Variants in ADAM22 observed in about 807,000 individuals in gnomAD.
ADAM22 encodes the protein disintegrin and metalloproteinase domain-containing protein 22.
A neutral mutation model predicts 144.6 loss-of-function variants in ADAM22; 65 were observed. The ratio of observed to expected loss-of-function variants is 0.45; its 90% CI spans 0.37 to 0.55. ADAM22 has a LOEUF of 0.55. Among genes scored for constraint, ADAM22 ranks in the 20% least tolerant of loss-of-function variants. The probability of loss-of-function intolerance (pLI) is 0.00; values close to 1 mark genes in which losing one functional copy is unlikely to be tolerated. For missense variants in ADAM22, 974 were observed against 1,184.9 expected, an observed-to-expected ratio of 0.82 and a Z score of 2.61; for synonymous variants, 391 against 412.6, an observed-to-expected ratio of 0.95 and a Z score of 0.63.
intron 3 of ADAM22, among the ~76,000 whole-genome samples, chr7:88,037,079 T>G (rs1250547282): frequency 1.3e-5 from 2 of 152,152 alleles, no homozygotes; most frequent in African/African-American, 4.8e-5. Context: ...GACATTTATG[T>G]TATTTTCAGT....
intron 3 of ADAM22, among the ~76,000 whole-genome samples, chr7:88,053,303 TAA>T (rs112765207): frequency 1.4e-5 from 2 of 143,518 alleles, no homozygotes; most frequent in Non-Finnish European, 1.5e-5. Context: ...CCCTCTCCGC[TAA>T]AAAAAAAAAA....
intron 24 of ADAM22, 65 bp from the exon 25 acceptor site, chr7:88,168,072 A>G (rs1464773830): frequency 1.5e-6 from 2 of 1,378,552 alleles, no homozygotes; most frequent in African/African-American, 2.9e-5. Context: ...TACAAAACTG[A>G]ACAATAAAGT....
At chr7:87,939,242 A>C (rs951338459) in intron 2 of ADAM22, among the ~76,000 whole-genome samples, 2 of 152,186 alleles carry the variant, frequency 1.3e-5, no homozygotes, top group African/African-American at 4.8e-5. Flanking sequence ...AAGGGTGAGC[A>C]TATCCAACCA....
chr7:88,145,047 G>A (rs1428329951), intron 15 of ADAM22, 78 bp from the exon 16 acceptor site: 9 of 1,234,090 alleles, frequency 7.3e-6, no homozygotes, highest in African/African-American at 1.5e-5. Flanking sequence ...GTATATTTGG[G>A]TATGGCACTT....
chr7:87,937,020 A>AT (rs1441979772), intron 2 of ADAM22, among the ~76,000 whole-genome samples: 1 of 152,160 alleles, frequency 6.6e-6, no homozygotes, highest in African/African-American at 2.4e-5. Flanking sequence ...CAGTAGCACG[A>AT]TTATGGCTCA....
At chr7:88,142,086 A>G (rs1834855921) in intron 14 of ADAM22, among the ~76,000 whole-genome samples, 1 of 152,216 alleles carries the variant, frequency 6.6e-6, no homozygotes, top group African/African-American at 2.4e-5. Context: ...TGCAAGATTA[A>G]TAACAAAGAA....
intron 3 of ADAM22, among the ~76,000 whole-genome samples, chr7:88,057,676 G>C (rs1311113839): frequency 1.3e-5 from 2 of 152,290 alleles, no homozygotes; most frequent in African/African-American, 4.8e-5. Flanking sequence ...AAAATAGTTT[G>C]TCTAGGTGTG....
intron 3 of ADAM22, among the ~76,000 whole-genome samples, chr7:88,016,560 A>G (rs1002778032): frequency 6.6e-6 from 1 of 152,182 alleles, no homozygotes; most frequent in Admixed American, 6.5e-5. Context: ...GTGAAAATTT[A>G]TACTTCCTAA....
At chr7:88,092,037 T>C (rs1382879725) in intron 4 of ADAM22, among the ~76,000 whole-genome samples, 1 of 152,162 alleles carries the variant, frequency 6.6e-6, no homozygotes, top group African/African-American at 2.4e-5. Flanking sequence ...GATTGTGTAT[T>C]GTTCAGCACA....
chr7:87,961,506 A>G (rs1847990928), intron 2 of ADAM22, among the ~76,000 whole-genome samples: 1 of 152,156 alleles, frequency 6.6e-6, no homozygotes, highest in African/African-American at 2.4e-5. Context: ...AATGTAATGC[A>G]TTTGGATTCT....
Position 88,108,180 on chromosome 7 carries a change from G to A in ADAM22, c.395G>A (p.Gly132Glu), listed in dbSNP as rs765877945. ...ATTCTTTATTTCTGTTTTCAGGGAG[G>A]AGAGCACTGTTACTACCAGGGCCAT... ...HGGKTVEVKGGEHCYYQGHIR... is the reference protein window; with the variant it reads ...HGGKTVEVKGEEHCYYQGHIR... The change falls in exon 5 of 32, where the codon GGA becomes GAA. Residue 132 changes from glycine (G) to glutamate (E), a missense_variant. Gly to Glu is a moderately conservative substitution (Grantham distance 98, BLOSUM62 -2). Around this residue, in one of 2 missense-constraint regions of ADAM22, gnomAD observed 240 missense variants for 234.3 expected, o/e 1.02. Transcript: ENST00000413139. 6.2e-7 allele frequency: 1 copy of A among 1,612,562 alleles called. No homozygotes were observed. Among genetic ancestry groups the A allele is most frequent in the Non-Finnish European group, 8.5e-7 (1 of 1,179,434 alleles).
chr7:88,159,870 T>A (rs546032330), intron 22 of ADAM22, among the ~76,000 whole-genome samples: 8 of 152,128 alleles, frequency 5.3e-5, no homozygotes, highest in African/African-American at 1.7e-4. Context: ...CTCTCACCAC[T>A]CCTATTCAAC....
In ADAM22 at chr7:88,149,011, T is replaced by C. The variant is rs1257084086; in HGVS notation, c.1520T>C (p.Val507Ala). 2.5e-6 allele frequency: 4 copies of C among 1,612,636 alleles called. No individual in the cohort carries two copies. In the East Asian group the frequency reaches 6.7e-5, roughly 27 times the overall value. Residue 507 changes from valine (V) to alanine (A), a missense_variant, in exon 18 of 32, where the codon GTA (valine) becomes GCA (alanine). Val to Ala is a moderately conservative substitution (Grantham distance 64). Coordinates refer to ENST00000413139, the MANE Select transcript of ADAM22 (RefSeq NM_001324418.2). ...ATGGGCACTGTGTGCCGAGAAGCAG[T>C]AAATGATTGTGATATTCGTGAAACG... ...QPMGTVCREA[V>A]NDCDIRETCS...
intron 2 of ADAM22, among the ~76,000 whole-genome samples, chr7:87,967,700 C>T (rs996660959): frequency 6.7e-6 from 1 of 149,748 alleles, no homozygotes; most frequent in Admixed American, 6.7e-5. Flanking sequence ...CCCAGCTATT[C>T]GGGAGGCTGA....
At chr7:87,979,344 AT>A (rs1030057214) in intron 3 of ADAM22, among the ~76,000 whole-genome samples, 8 of 152,186 alleles carry the variant, frequency 5.3e-5, no homozygotes, top group African/African-American at 1.7e-4. Flanking sequence ...GGCTGTTTAA[AT>A]TTACATTAAT....
At chr7:87,960,475 T>G (rs541189016) in intron 2 of ADAM22, among the ~76,000 whole-genome samples, 1 of 152,166 alleles carries the variant, frequency 6.6e-6, no homozygotes, top group South Asian at 2.1e-4. Context: ...TATATTTCAC[T>G]TGACAAGAAG....
chr7:88,084,336 C>G (rs114341866), intron 4 of ADAM22, among the ~76,000 whole-genome samples: 2,486 of 152,312 alleles, frequency 0.016, 65 homozygotes, highest in African/African-American at 0.056. Flanking sequence ...TTTCTAACCC[C>G]TAAGCCTGTC....
At chr7:87,980,164 G>T (rs1852964952) in intron 3 of ADAM22, among the ~76,000 whole-genome samples, 1 of 152,010 alleles carries the variant, frequency 6.6e-6, no homozygotes, top group African/African-American at 2.4e-5. Flanking sequence ...TGAGATATTG[G>T]CAGAAACCTC....
intron 26 of ADAM22, 33 bp downstream of exon 26, chr7:88,171,594 GA>G: frequency 6.4e-7 from 1 of 1,553,580 alleles, no homozygotes; most frequent in Admixed American, 2.0e-5. Context: ...ACATAAAACT[GA>G]AAGGTTTGAC....
Sources: allele counts gnomAD v4.1 joint callset (sites outside exome capture counted in the v4.1 genomes callset), GRCh38; gene constraint gnomAD v4.1.1; regional missense constraint gnomAD v4.1.1; transcripts MANE v1.5; gene names NCBI Gene and HGNC (gene_info 2026-07-23, HGNC 2026-07-21).